The following SH3TC2 variants were observed in gnomAD, a reference collection of about 807,000 sequenced individuals.
SH3TC2 encodes the protein SH3 domain and tetratricopeptide repeat-containing protein 2.
SH3TC2 carries 87 observed loss-of-function variants against 124.5 expected under a neutral mutation model. The observed-to-expected ratio is 0.70, with a 90% CI of 0.59 to 0.84. The LOEUF is 0.84. Among genes scored for constraint, SH3TC2 ranks in the 40% least tolerant of loss-of-function variants. SH3TC2 has a pLI of 0.00. For missense variants in SH3TC2, 1,536 were observed against 1,566.4 expected (o/e 0.98, Z 0.33); for synonymous variants, 634 against 628.5 (o/e 1.01, Z -0.13).
At position 149,028,389 on chromosome 5, in the gene SH3TC2, T is replaced by C; in HGVS notation, c.1343A>G (p.Asp448Gly). The C allele has an allele frequency of 6.2e-7, 1 of 1,614,080 alleles. No individual in the cohort carries two copies. Among genetic ancestry groups the C allele is most frequent in the Non-Finnish European group, 8.5e-7 (1 of 1,180,020 alleles). ...TAGGTCCATGAGCAGTTCCGGGTCATCAAGGTCATCAGGCTCCGGCAGGCG... is the reference window on the plus strand; with the variant it reads ...TAGGTCCATGAGCAGTTCCGGGTCACCAAGGTCATCAGGCTCCGGCAGGCG... ...SYRLPEPDDL[D>G]DPELLMDLST... The change falls in exon 11 of 17, where the codon GAT becomes GGT. Residue 448 changes from aspartate (D) to glycine (G), a missense_variant. This residue lies in a region of SH3TC2 where 1,102 missense variants were observed against 1,098.6 expected (regional missense o/e 1.00). Coordinates refer to ENST00000515425, the MANE Select transcript of SH3TC2 (RefSeq NM_024577.4).
At chr5:149,015,153 C>T (rs1016881208) in intron 12 of SH3TC2, among the ~76,000 whole-genome samples, 3 of 152,196 alleles carry the variant, frequency 2.0e-5, no homozygotes, top group African/African-American at 7.2e-5. Context: ...GAAGACAAGA[C>T]TTACAGAGAC....
chr5:149,033,699 C>T (rs1207845980), intron 8 of SH3TC2, among the ~76,000 whole-genome samples: 1 of 152,114 alleles, frequency 6.6e-6, no homozygotes, highest in East Asian at 1.9e-4. Flanking sequence ...TCCTACCTGC[C>T]GAGAACACAC....
intron 3 of SH3TC2, chr5:149,047,621 A>C (rs921659133): frequency 2.0e-6 from 1 of 505,442 alleles, no homozygotes; most frequent in African/African-American, 1.9e-5. Flanking sequence ...AACTAATAGA[A>C]TATTTGAAAC....
intron 1 of SH3TC2, among the ~76,000 whole-genome samples, chr5:149,061,804 A>T (rs1754754472): frequency 1.3e-5 from 2 of 152,146 alleles, no homozygotes; most frequent in Non-Finnish European, 2.9e-5. Context: ...CAATGACAAT[A>T]GGACTTAGGG....
At chr5:149,053,996 G>A (rs1754601365) in intron 1 of SH3TC2, among the ~76,000 whole-genome samples, 1 of 152,122 alleles carries the variant, frequency 6.6e-6, no homozygotes, top group African/African-American at 2.4e-5. Context: ...TGGGGTGACT[G>A]TAGTCAACAA....
rs910855989 is a variant in SH3TC2 at position 149,004,426 on chromosome 5, T to A, written c.*285A>T. The A allele has an allele frequency of 6.9e-6, 3 of 433,044 alleles. No individual in the cohort carries two copies. Among genetic ancestry groups the A allele is most frequent in the Non-Finnish European group, 1.3e-5 (3 of 238,952 alleles). 26.8% of individuals were successfully genotyped at this position (433,044 alleles called of 1,614,324 possible). ...AGATCCCTCATCTTCTCCAGAATTATGTATGGAGAAAGTGCTTTTCAGAGG... is the reference window on the plus strand; with the variant it reads ...AGATCCCTCATCTTCTCCAGAATTAAGTATGGAGAAAGTGCTTTTCAGAGG... On this transcript the variant is annotated 3_prime_UTR_variant, in exon 17 of 17. Transcript: ENST00000515425.
chr5:149,052,200 C>T lies in SH3TC2; in HGVS notation c.93G>A (p.Glu31=). 6.2e-7 allele frequency: 1 copy of T among 1,613,650 alleles called. No individual in the cohort carries two copies. ...TPSKDPTVSS[E]CIASSEYKEK... ...CCTTGTATTCAGATGAGGCTATACA[C>T]TCACTCGATACAGTTGGATCCTTGG... Residue 31 remains glutamate, a synonymous_variant, in exon 2 of 17, where the codon GAG becomes GAA. Coordinates refer to ENST00000515425, the MANE Select transcript of SH3TC2 (RefSeq NM_024577.4).
rs1460173653 is a variant in SH3TC2 at position 148,988,139 on chromosome 5, T to C, written c.*16572A>G. 6.6e-6 allele frequency among the ~76,000 whole-genome samples: 1 copy of C among 152,166 alleles called. No individual in the cohort carries two copies. The highest frequency in any genetic ancestry group is 6.5e-5 in the Admixed American group (1 of 15,286). ...GCCTTACTGGGTAATAAAAACTCTATGCACACAGGCTAGAAGTTGAGTGGT... is the reference window on the plus strand; with the variant it reads ...GCCTTACTGGGTAATAAAAACTCTACGCACACAGGCTAGAAGTTGAGTGGT... On this transcript the variant is annotated 3_prime_UTR_variant, in exon 17 of 17. Transcript: ENST00000515425.
chr5:149,038,269 A>C, intron 8 of SH3TC2, 26 bp downstream of exon 8: 1 of 1,608,028 alleles, frequency 6.2e-7, no homozygotes, highest in East Asian at 2.2e-5. Flanking sequence ...GCCCAGCTCC[A>C]GGACATGCTC....
In SH3TC2 at chr5:148,987,542, CATATTCCAT is replaced by C. The variant is rs1455748418; in HGVS notation, c.*17160_*17168del. Among the ~76,000 whole-genome samples, 4 of 152,254 alleles carry C rather than the reference CATATTCCAT, an allele frequency of 2.6e-5. No homozygotes were observed. The highest frequency in any genetic ancestry group is 9.6e-5 in the African/African-American group (4 of 41,456). ...TGGTCTTTACATCTATAGTCTTGGG[CATATTCCAT>C]AAGACTTCCACATATTTGGCTGGGT... On this transcript the variant is annotated 3_prime_UTR_variant, in exon 17 of 17. Coordinates refer to ENST00000515425, the MANE Select transcript of SH3TC2 (RefSeq NM_024577.4).
rs1753530623 is a variant in SH3TC2, at chr5:148,997,462, A to G, written c.*7249T>C. Among the ~76,000 whole-genome samples, 1 of 152,228 alleles carries G rather than the reference A, an allele frequency of 6.6e-6. No homozygotes were observed. The highest frequency in any genetic ancestry group is 2.1e-4 in the South Asian group (1 of 4,834). ...TAGGCTAAGTTACCTGACTGTGGTC[A>G]ACAATAACACCAGTATTTCTTTTTC... On this transcript the variant is annotated 3_prime_UTR_variant, in exon 17 of 17. Coordinates refer to ENST00000515425, the MANE Select transcript of SH3TC2 (RefSeq NM_024577.4).
intron 16 of SH3TC2, among the ~76,000 whole-genome samples, chr5:149,005,183 G>A (rs575618779): frequency 1.3e-5 from 2 of 152,120 alleles, no homozygotes; most frequent in Non-Finnish European, 2.9e-5. Flanking sequence ...TGGGCACAGT[G>A]CTTCAGGGAT....
chr5:149,049,794 A>AT (rs1435096920), intron 2 of SH3TC2, among the ~76,000 whole-genome samples: 1 of 152,064 alleles, frequency 6.6e-6, no homozygotes, highest in Non-Finnish European at 1.5e-5. Context: ...AGGAAAAAAA[A>AT]AAAAGCTTCC....
intron 6 of SH3TC2, 52 bp from the exon 7 acceptor site, chr5:149,040,729 A>G (rs747243585): frequency 7.1e-7 from 1 of 1,409,864 alleles, no homozygotes; most frequent in South Asian, 1.2e-5. Flanking sequence ...AAATTGCAAC[A>G]ATGAACAGAA....
intron 8 of SH3TC2, among the ~76,000 whole-genome samples, chr5:149,037,317 G>A (rs562129188): frequency 1.1e-4 from 17 of 152,096 alleles, no homozygotes; most frequent in Admixed American, 3.3e-4. Context: ...TACAAGTCCC[G>A]ATAGTTCTCC....
At position 148,993,230 on chromosome 5, in the gene SH3TC2, T is replaced by G. The variant is rs1753450090; in HGVS notation, c.*11481A>C. On this transcript the variant is annotated 3_prime_UTR_variant, in exon 17 of 17. Coordinates refer to ENST00000515425, the MANE Select transcript of SH3TC2 (RefSeq NM_024577.4). ...GGGGAATCAAATTATCCCAATAAAA[T>G]TCAAATCAATCAAATTTAAACCAGG... Among the ~76,000 whole-genome samples, 1 of 152,128 alleles carries G rather than the reference T, an allele frequency of 6.6e-6. No homozygotes were observed. The highest frequency in any genetic ancestry group is 2.1e-4 in the South Asian group (1 of 4,828).
chr5:149,005,918 G>T lies in SH3TC2; in HGVS notation c.3675+963C>A, dbSNP rs193265757. Among the ~76,000 whole-genome samples the T allele has an allele frequency of 1.8e-3, 272 of 152,214 alleles. 1 individual carries two copies. The highest frequency in any genetic ancestry group is 2.8e-3 in the Non-Finnish European group (188 of 68,016). On this transcript the variant is annotated intron_variant, in intron 16 of 16. Coordinates refer to ENST00000515425, the MANE Select transcript of SH3TC2 (RefSeq NM_024577.4). Reference sequence around the variant, plus strand: ...CTAGGGACACAGTTTGGGGGTCAGGGTTGTAACAGAGATTTGCAACCAACA... The same window carrying T: ...CTAGGGACACAGTTTGGGGGTCAGGTTTGTAACAGAGATTTGCAACCAACA...
intron 6 of SH3TC2, 147 bp downstream of exon 6, chr5:149,041,269 A>G: frequency 2.5e-6 from 2 of 811,714 alleles, no homozygotes; most frequent in Non-Finnish European, 3.9e-6. Flanking sequence ...AAAAAAGAAA[A>G]GAAAAAGACA....
chr5:149,007,087 G>A lies in SH3TC2; in HGVS notation c.3479-10C>T. 6.2e-7 allele frequency: 1 copy of A among 1,613,610 alleles called. No homozygotes were observed. Among genetic ancestry groups the A allele is most frequent in the East Asian group, 2.2e-5 (1 of 44,878 alleles). ...TCTTGCCTCTGATCTCCTAAGAATT[G>A]GAAGACTGAGAGAGATATCCTGCAA... On this transcript the variant is annotated splice_polypyrimidine_tract_variant and intron_variant, in intron 15 of 16. Coordinates refer to ENST00000515425, the MANE Select transcript of SH3TC2 (RefSeq NM_024577.4).
Sources: allele counts gnomAD v4.1 joint callset (sites outside exome capture counted in the v4.1 genomes callset), GRCh38; gene constraint gnomAD v4.1.1; regional missense constraint gnomAD v4.1.1; transcripts MANE v1.5; gene names NCBI Gene and HGNC (gene_info 2026-07-23, HGNC 2026-07-21).